The following UBE2E2 variants were observed in gnomAD, a reference collection of about 807,000 sequenced individuals.
UBE2E2 encodes ubiquitin conjugating enzyme E2 E2.
In UBE2E2, 6 loss-of-function variants were observed where a neutral mutation model predicts 24.7. The ratio of observed to expected loss-of-function variants is 0.24; its 90% CI spans 0.13 to 0.48. UBE2E2 has a LOEUF of 0.48. Among genes scored for constraint, UBE2E2 ranks in the 20% least tolerant of loss-of-function variants. UBE2E2 has a pLI of 0.99. For missense variants in UBE2E2, 169 were observed against 245.0 expected (o/e 0.69, Z 2.07); for synonymous variants, 104 against 83.6 (o/e 1.24, Z -1.33).
intron 3 of UBE2E2, among the ~76,000 whole-genome samples, chr3:23,358,844 G>T (rs904362607): frequency 6.6e-6 from 1 of 152,200 alleles, no homozygotes; most frequent in African/African-American, 2.4e-5. Flanking sequence ...TCTAGGCATT[G>T]TTACCTATTT....
At chr3:23,237,758 G>A (rs1432675395) in intron 3 of UBE2E2, among the ~76,000 whole-genome samples, 1 of 151,978 alleles carries the variant, frequency 6.6e-6, no homozygotes, top group Non-Finnish European at 1.5e-5. Flanking sequence ...TCTTTGCTGG[G>A]CCTGCCACCA....
At chr3:23,392,028 C>T (rs1464730772) in intron 3 of UBE2E2, among the ~76,000 whole-genome samples, 1 of 151,894 alleles carries the variant, frequency 6.6e-6, no homozygotes, top group African/African-American at 2.4e-5. Flanking sequence ...TTTGTGCTGG[C>T]TTACATATAT....
chr3:23,329,472 A>G (rs1317714441), intron 3 of UBE2E2, among the ~76,000 whole-genome samples: 1 of 152,270 alleles, frequency 6.6e-6, no homozygotes. Flanking sequence ...TAGGCAGGCA[A>G]AAGGGCAGAT....
chr3:23,286,534 G>T (rs893430072), intron 3 of UBE2E2, among the ~76,000 whole-genome samples: 9 of 152,066 alleles, frequency 5.9e-5, no homozygotes, highest in South Asian at 2.1e-4. Context: ...CCAGTTCAAT[G>T]GTGTTTTGGT....
chr3:23,392,080 G>T (rs1042659486), intron 3 of UBE2E2, among the ~76,000 whole-genome samples: 12 of 151,924 alleles, frequency 7.9e-5, no homozygotes, highest in African/African-American at 2.9e-4. Flanking sequence ...CCAAGTATTG[G>T]GTATTAGAAG....
In UBE2E2 at chr3:23,332,718, T is replaced by TGCGC. The variant is rs1553603063; in HGVS notation, c.227+115408_227+115409insGCGC. Among the ~76,000 whole-genome samples the TGCGC allele has an allele frequency of 5.9e-3, 868 of 148,354 alleles. 3 individuals carry two copies. Among genetic ancestry groups the TGCGC allele is most frequent in the African/African-American group, 7.4e-3 (295 of 40,092 alleles). On this transcript the variant is annotated intron_variant, in intron 3 of 5. Coordinates refer to ENST00000396703, the MANE Select transcript of UBE2E2 (RefSeq NM_152653.4). The stretch of plus-strand genomic sequence containing the variant: ...GTGTGTGTGTGTGTGTGTGTGTGTG[T>TGCGC]GCAGCTATGGATATCTCTCTAGGAA...
At chr3:23,267,159 G>A (rs1271608036) in intron 3 of UBE2E2, among the ~76,000 whole-genome samples, 2 of 151,520 alleles carry the variant, frequency 1.3e-5, no homozygotes, top group Non-Finnish European at 2.9e-5. Flanking sequence ...AAAAGCAAGA[G>A]CAAACACATT....
rs145909142 is a variant in UBE2E2, at chr3:23,275,380, A to C, written c.227+58068A>C. 2.3e-3 allele frequency among the ~76,000 whole-genome samples: 346 copies of C among 152,312 alleles called. 3 individuals are homozygous for C. Among genetic ancestry groups the C allele is most frequent in the African/African-American group, 7.9e-3 (330 of 41,574 alleles). On this transcript the variant is annotated intron_variant, in intron 3 of 5. Coordinates refer to ENST00000396703, the MANE Select transcript of UBE2E2 (RefSeq NM_152653.4). ...AACGGTGGACATGTCCCGGAAGCTGAAATAGACCAATTGTGCCTGGAATAC... is the reference window on the plus strand; with the variant it reads ...AACGGTGGACATGTCCCGGAAGCTGCAATAGACCAATTGTGCCTGGAATAC...
intron 3 of UBE2E2, among the ~76,000 whole-genome samples, chr3:23,273,488 G>A (rs1031814271): frequency 1.3e-4 from 20 of 149,028 alleles, no homozygotes; most frequent in Admixed American, 9.5e-4. Context: ...CCGAGATTGC[G>A]CCACTGCACT....
chr3:23,222,979 T>C (rs1186758048), intron 3 of UBE2E2, among the ~76,000 whole-genome samples: 1 of 151,380 alleles, frequency 6.6e-6, no homozygotes, highest in Non-Finnish European at 1.5e-5. Flanking sequence ...GCCATTTGCA[T>C]GTCTTCTTTT....
At chr3:23,443,622 G>C (rs900477951) in intron 3 of UBE2E2, among the ~76,000 whole-genome samples, 3 of 152,200 alleles carry the variant, frequency 2.0e-5, no homozygotes, top group African/African-American at 7.2e-5. Context: ...ATGCCATAGA[G>C]TACAAGGCAA....
intron 3 of UBE2E2, among the ~76,000 whole-genome samples, chr3:23,254,345 G>T (rs1211810998): frequency 6.6e-6 from 1 of 152,186 alleles, no homozygotes. Context: ...AAGGGATGCT[G>T]GGTTAATCCT....
At chr3:23,532,467 T>C (rs1695147484) in intron 4 of UBE2E2, 87 bp from the exon 5 acceptor site, 2 of 1,241,956 alleles carry the variant, frequency 1.6e-6, no homozygotes, top group Non-Finnish European at 1.1e-6. Flanking sequence ...TCTGATAAAA[T>C]AGGCAATTTT....
intron 3 of UBE2E2, among the ~76,000 whole-genome samples, chr3:23,419,407 A>G (rs937495881): frequency 2.4e-4 from 36 of 152,192 alleles, no homozygotes; most frequent in African/African-American, 8.4e-4. Flanking sequence ...TTCTACCTAT[A>G]CAGTGATGAG....
intron 3 of UBE2E2, among the ~76,000 whole-genome samples, chr3:23,325,610 A>G (rs1355555166): frequency 1.3e-5 from 2 of 152,220 alleles, no homozygotes; most frequent in Non-Finnish European, 2.9e-5. Flanking sequence ...TTTGTCCACT[A>G]GTCAGAATGT....
intron 3 of UBE2E2, among the ~76,000 whole-genome samples, chr3:23,308,668 T>G (rs1455587932): frequency 2.0e-5 from 3 of 152,170 alleles, no homozygotes; most frequent in Non-Finnish European, 4.4e-5. Context: ...AGTGTATTAG[T>G]CAGGGTTCTC....
intron 5 of UBE2E2, among the ~76,000 whole-genome samples, chr3:23,574,537 T>C (rs772033185): frequency 1.4e-4 from 22 of 152,106 alleles, no homozygotes; most frequent in Non-Finnish European, 2.8e-4. Flanking sequence ...ACATTAAAAA[T>C]TATAAATTTT....
intron 3 of UBE2E2, among the ~76,000 whole-genome samples, chr3:23,270,152 CTTTTTTTT>C (rs71051207): frequency 2.0e-5 from 2 of 100,712 alleles, no homozygotes; most frequent in Non-Finnish European, 1.9e-5. Context: ...CCCCCTCCTC[CTTTTTTTT>C]TTTTTTTTTT....
At chr3:23,368,474 T>C (rs1024292299) in intron 3 of UBE2E2, among the ~76,000 whole-genome samples, 1 of 152,206 alleles carries the variant, frequency 6.6e-6, no homozygotes, top group East Asian at 1.9e-4. Context: ...TGTGTTTTTT[T>C]CCAAAACACT....
Sources: gnomAD v4.1 joint callset for allele counts (sites outside exome capture counted in the v4.1 genomes callset) on GRCh38, gnomAD v4.1.1 for gene constraint, MANE v1.5 for transcripts, NCBI Gene and HGNC (gene_info 2026-07-23, HGNC 2026-07-21) for gene names.